Variants in KLHDC10 observed in about 807,000 individuals in gnomAD.
KLHDC10 encodes the protein kelch domain containing 10, also known as kelch domain-containing protein 10.
Under a neutral mutation model 56.1 loss-of-function variants are expected in KLHDC10, and 24 were observed. The observed-to-expected ratio is 0.43, with a 90% confidence interval of 0.31 to 0.60. The LOEUF (loss-of-function observed/expected upper bound fraction) is 0.60. Ranked by LOEUF, KLHDC10 falls within the 20% of genes least tolerant of loss-of-function variation. The probability of loss-of-function intolerance (pLI) is 0.11; values close to 1 mark genes in which losing one functional copy is unlikely to be tolerated. For synonymous variants in KLHDC10, 188 were observed against 207.1 expected (o/e 0.91, Z 0.79); for missense variants, 349 against 567.0 (o/e 0.62, Z 3.91).
intron 1 of KLHDC10, among the ~76,000 whole-genome samples, chr7:130,096,713 G>A (rs1216348435): frequency 6.6e-6 from 1 of 152,092 alleles, no homozygotes; most frequent in African/African-American, 2.4e-5. Flanking sequence ...ATTCTTTTGG[G>A]GGTAAGAGTT....
chr7:130,078,770 G>A (rs1795554569), intron 1 of KLHDC10, among the ~76,000 whole-genome samples: 1 of 152,144 alleles, frequency 6.6e-6, no homozygotes, highest in Admixed American at 6.5e-5. Context: ...CACCCTCCTC[G>A]GCCTCCCGAA....
chr7:130,075,402 A>G (rs1164632903), intron 1 of KLHDC10, among the ~76,000 whole-genome samples: 4 of 152,198 alleles, frequency 2.6e-5, no homozygotes, highest in African/African-American at 9.6e-5. Context: ...TAAAATCCAA[A>G]TGATACAAAA....
intron 1 of KLHDC10, among the ~76,000 whole-genome samples, chr7:130,078,514 G>A (rs1311821411): frequency 6.6e-6 from 1 of 151,958 alleles, no homozygotes; most frequent in Non-Finnish European, 1.5e-5. Flanking sequence ...TCCGCGCCCT[G>A]CCTTCCTTTT....
intron 2 of KLHDC10, among the ~76,000 whole-genome samples, chr7:130,107,699 C>G (rs1365949345): frequency 6.6e-6 from 1 of 151,762 alleles, no homozygotes; most frequent in African/African-American, 2.4e-5. Flanking sequence ...CAAAAATTAG[C>G]CGGGCGTCGT....
intron 1 of KLHDC10, among the ~76,000 whole-genome samples, chr7:130,078,957 A>G (rs1795557852): frequency 1.3e-5 from 2 of 152,202 alleles, no homozygotes; most frequent in African/African-American, 2.4e-5. Flanking sequence ...ATGCTTTCCT[A>G]TTAAGATTAG....
intron 2 of KLHDC10, among the ~76,000 whole-genome samples, chr7:130,109,926 A>G (rs895177827): frequency 5.3e-5 from 8 of 152,188 alleles, no homozygotes; most frequent in African/African-American, 1.7e-4. Context: ...GGCATGACCC[A>G]CCGTGCTGGG....
At chr7:130,119,684 AAAT>A (rs1353211658) in intron 3 of KLHDC10, among the ~76,000 whole-genome samples, 1 of 151,810 alleles carries the variant, frequency 6.6e-6, no homozygotes, top group Non-Finnish European at 1.5e-5. Flanking sequence ...TCTCTACTAA[AAAT>A]ACAAAAATTA....
At chr7:130,074,168 T>C (rs950934651) in intron 1 of KLHDC10, among the ~76,000 whole-genome samples, 1 of 152,222 alleles carries the variant, frequency 6.6e-6, no homozygotes, top group East Asian at 1.9e-4. Context: ...GGATGTATCA[T>C]GCTTCCTCCT....
chr7:130,078,657 G>T (rs530051342), intron 1 of KLHDC10, among the ~76,000 whole-genome samples: 5 of 151,720 alleles, frequency 3.3e-5, no homozygotes, highest in Admixed American at 3.3e-4. Context: ...TAGCTGAGAC[G>T]ACAGGCGCGT....
intron 2 of KLHDC10, among the ~76,000 whole-genome samples, chr7:130,115,472 T>C (rs1796154163): frequency 6.6e-6 from 1 of 151,964 alleles, no homozygotes; most frequent in Non-Finnish European, 1.5e-5. Context: ...TCCCAGGATG[T>C]TGGGAGGCCA....
chr7:130,109,252 A>G (rs377061165), intron 2 of KLHDC10, among the ~76,000 whole-genome samples: 4 of 147,092 alleles, frequency 2.7e-5, no homozygotes. Context: ...AATTTTTTTT[A>G]GAGATGAAGT....
At chr7:130,108,610 T>TC in intron 2 of KLHDC10, among the ~76,000 whole-genome samples, 1 of 146,776 alleles carries the variant, frequency 6.8e-6, no homozygotes, top group East Asian at 2.1e-4. Flanking sequence ...GTCCCAGCAC[T>TC]CATCAGGATG....
chr7:130,119,594 A>G (rs1221577438), intron 3 of KLHDC10, among the ~76,000 whole-genome samples: 2 of 149,832 alleles, frequency 1.3e-5, no homozygotes, highest in African/African-American at 2.5e-5. Flanking sequence ...CTGTAATCCC[A>G]GCACTTTGGG....
At chr7:130,075,090 TACTA>T (rs901482524) in intron 1 of KLHDC10, among the ~76,000 whole-genome samples, 9 of 152,250 alleles carry the variant, frequency 5.9e-5, no homozygotes, top group African/African-American at 9.6e-5. Context: ...CCTGGATTTT[TACTA>T]ACTCATAATT....
At chr7:130,075,148 A>G (rs1795480063) in intron 1 of KLHDC10, among the ~76,000 whole-genome samples, 1 of 152,204 alleles carries the variant, frequency 6.6e-6, no homozygotes, top group South Asian at 2.1e-4. Flanking sequence ...TTTTTGTAGA[A>G]TAAGTATGCA....
intron 1 of KLHDC10, among the ~76,000 whole-genome samples, chr7:130,092,754 A>G (rs559160715): frequency 6.6e-6 from 1 of 152,084 alleles, no homozygotes; most frequent in East Asian, 1.9e-4. Flanking sequence ...TTAACCTGCT[A>G]TGTAACTTCT....
At position 130,116,784 on chromosome 7, in the gene KLHDC10, G is replaced by A. The variant is rs999067056; in HGVS notation, c.475+118G>A. Reference sequence around the variant, plus strand: ...TATAATGTGATTTCGCCCTGTGGGTGGATAGGCTTTTTACTAGGGTAATAA... The same window carrying A: ...TATAATGTGATTTCGCCCTGTGGGTAGATAGGCTTTTTACTAGGGTAATAA... On this transcript the variant is annotated intron_variant, in intron 3 of 9. Transcript: ENST00000335420. This position sits in a 1 kb window ranked among gnomAD's most constrained non-coding sequence, Gnocchi z 4.8. 4.1e-4 allele frequency: 340 copies of A among 833,698 alleles called. 2 individuals are homozygous for A. The highest frequency in any genetic ancestry group is 8.2e-4 in the Admixed American group (37 of 45,092). The allele number at this position is 833,698 out of a possible 1,614,324, so 51.6% of individuals were successfully genotyped here.
At chr7:130,094,269 A>G (rs1369812675) in intron 1 of KLHDC10, among the ~76,000 whole-genome samples, 1 of 152,124 alleles carries the variant, frequency 6.6e-6, no homozygotes, top group Non-Finnish European at 1.5e-5. Context: ...GTTACTCCAA[A>G]GTAGTTTTTA....
At chr7:130,105,107 A>G (rs1037391688) in intron 2 of KLHDC10, among the ~76,000 whole-genome samples, 1 of 152,358 alleles carries the variant, frequency 6.6e-6, no homozygotes, top group East Asian at 1.9e-4. Context: ...GGCAATACCA[A>G]GTATTGGCAA....
Sources: gnomAD v4.1 joint callset for allele counts (sites outside exome capture counted in the v4.1 genomes callset) on GRCh38, gnomAD v4.1.1 for gene constraint, Gnocchi (gnomAD v3.1) non-coding constraint, MANE v1.5 for transcripts, NCBI Gene and HGNC (gene_info 2026-07-23, HGNC 2026-07-21) for gene names.